Variants in ADAMTS17 observed in about 807,000 individuals in gnomAD.
ADAMTS17 encodes the protein ADAM metallopeptidase with thrombospondin type 1 motif 17.
A neutral mutation model predicts 141.5 loss-of-function variants in ADAMTS17; 113 were observed. The ratio of observed to expected loss-of-function variants is 0.80; its 90% CI spans 0.69 to 0.93. The LOEUF is 0.93. ADAMTS17 is among the 40% of genes least tolerant of loss of function. The pLI, the probability that ADAMTS17 is intolerant of heterozygous loss-of-function variation, is 0.00. For missense variants in ADAMTS17, 1,659 were observed against 1,517.9 expected, an observed-to-expected ratio of 1.09 and a Z score of -1.54; for synonymous variants, 768 against 630.6, an observed-to-expected ratio of 1.22 and a Z score of -3.27.
At chr15:100,165,709 G>C (rs74037524) in intron 8 of ADAMTS17, among the ~76,000 whole-genome samples, 3,189 of 152,266 alleles carry the variant, frequency 0.021, 131 homozygotes, top group East Asian at 0.17. Context: ...GTTAGAAATT[G>C]TGAAGATGTT....
intron 7 of ADAMTS17, among the ~76,000 whole-genome samples, chr15:100,212,131 T>C (rs1379753755): frequency 1.3e-5 from 2 of 152,180 alleles, no homozygotes; most frequent in African/African-American, 2.4e-5. Flanking sequence ...GAAGGGATAC[T>C]ATTATCATCC....
chr15:100,072,534 G>A (rs1171556106), intron 15 of ADAMTS17, among the ~76,000 whole-genome samples: 2 of 152,012 alleles, frequency 1.3e-5, no homozygotes, highest in South Asian at 4.2e-4. Flanking sequence ...AACCAAAACA[G>A]CATGGTACTG....
At position 100,187,070 on chromosome 15, in the gene ADAMTS17, G is replaced by T. The variant is rs115270769; in HGVS notation, c.1181+12248C>A. Reference sequence around the variant, plus strand: ...ACCGAGAGAGCCAGACTCATGTGAAGCAACTATTGACCTCTCCTCACCTCC... The same window carrying T: ...ACCGAGAGAGCCAGACTCATGTGAATCAACTATTGACCTCTCCTCACCTCC... On this transcript the variant is annotated intron_variant, in intron 8 of 21. Transcript: ENST00000268070. Among the ~76,000 whole-genome samples the T allele has an allele frequency of 5.1e-3, 783 of 152,206 alleles. 6 individuals are homozygous for T. Among genetic ancestry groups the T allele is most frequent in the African/African-American group, 0.018 (739 of 41,526 alleles).
rs954724296 is a variant in ADAMTS17, at chr15:100,341,958, G to T, written c.-59C>A. ...GCGGCGAAGCAGGAGCGCGCTAGGC[G>T]GCGGCGCCAGCCGGAGTGAAGCCCT... On this transcript the variant is annotated 5_prime_UTR_variant, in exon 1 of 22. Transcript: ENST00000268070. 5.2e-6 allele frequency: 8 copies of T among 1,540,458 alleles called. No individual in the cohort carries two copies. Among genetic ancestry groups the T allele is most frequent in the East Asian group, 4.9e-5 (2 of 40,806 alleles).
chr15:100,119,817 C>T (rs1165643673), intron 12 of ADAMTS17, among the ~76,000 whole-genome samples: 5 of 152,220 alleles, frequency 3.3e-5, no homozygotes, highest in African/African-American at 1.2e-4. Flanking sequence ...TCACAGGCCC[C>T]GTAATCCCCA....
At chr15:100,050,753 G>C (rs2032076351) in intron 17 of ADAMTS17, among the ~76,000 whole-genome samples, 1 of 152,194 alleles carries the variant, frequency 6.6e-6, no homozygotes, top group Non-Finnish European at 1.5e-5. Context: ...TGGCCTACCA[G>C]AGTCCAGGTC....
intron 12 of ADAMTS17, among the ~76,000 whole-genome samples, chr15:100,123,203 A>G (rs1316777588): frequency 6.6e-6 from 1 of 152,178 alleles, no homozygotes; most frequent in Admixed American, 6.5e-5. Context: ...AAGCAACCGG[A>G]GAGACCACCC....
intron 14 of ADAMTS17, among the ~76,000 whole-genome samples, chr15:100,097,164 TTTTC>T (rs2035812073): frequency 6.6e-6 from 1 of 152,216 alleles, no homozygotes; most frequent in South Asian, 2.1e-4. Flanking sequence ...TGGACTCTTT[TTTTC>T]TTTTTTAAAA....
intron 16 of ADAMTS17, among the ~76,000 whole-genome samples, chr15:100,052,875 T>A (rs2032256586): frequency 6.6e-6 from 1 of 152,166 alleles, no homozygotes; most frequent in African/African-American, 2.4e-5. Context: ...TACCTTTGTC[T>A]CCCCAGAAAT....
intron 3 of ADAMTS17, among the ~76,000 whole-genome samples, chr15:100,313,762 A>T (rs1319113084): frequency 2.0e-5 from 3 of 151,486 alleles, no homozygotes; most frequent in Non-Finnish European, 4.4e-5. Context: ...AACCACCCCA[A>T]ACGTCACCAT....
At chr15:100,095,886 C>T (rs1396990435) in intron 15 of ADAMTS17, among the ~76,000 whole-genome samples, 1 of 152,236 alleles carries the variant, frequency 6.6e-6, no homozygotes, top group Admixed American at 6.5e-5. Flanking sequence ...GGAGTCACAG[C>T]TGGCAGTGGC....
At chr15:99,982,521 TTC>T (rs2060501998) in intron 20 of ADAMTS17, among the ~76,000 whole-genome samples, 1 of 152,192 alleles carries the variant, frequency 6.6e-6, no homozygotes, top group Admixed American at 6.5e-5. Flanking sequence ...GGTGAATTCC[TTC>T]TCTGTCGGCC....
chr15:100,261,647 T>C lies in ADAMTS17; in HGVS notation c.874-11A>G. On this transcript the variant is annotated splice_polypyrimidine_tract_variant and intron_variant, in intron 5 of 21. Coordinates refer to ENST00000268070, the MANE Select transcript of ADAMTS17 (RefSeq NM_139057.4). ...AATGGACAACTTAGCCTAAAAAAAG[T>C]CAGAGGACAGTTAGAGAAACAAACG... is the stretch of plus-strand genomic sequence containing the variant. 1 of 1,612,722 alleles carries C rather than the reference T, an allele frequency of 6.2e-7. No individual in the cohort carries two copies. Among genetic ancestry groups the C allele is most frequent in the Non-Finnish European group, 8.5e-7 (1 of 1,179,390 alleles).
At chr15:99,974,851 C>T (rs1443056215) in intron 21 of ADAMTS17, among the ~76,000 whole-genome samples, 2 of 152,188 alleles carry the variant, frequency 1.3e-5, no homozygotes, top group Non-Finnish European at 2.9e-5. Context: ...CTAAGTGGCA[C>T]TTACTATTTT....
intron 3 of ADAMTS17, among the ~76,000 whole-genome samples, chr15:100,323,063 G>T (rs1403616551): frequency 5.0e-5 from 7 of 139,392 alleles, no homozygotes; most frequent in Non-Finnish European, 9.2e-5. Flanking sequence ...CTCCAGCCCG[G>T]GAGACAGCGA....
chr15:100,107,013 T>C (rs1479374694), intron 14 of ADAMTS17, among the ~76,000 whole-genome samples: 2 of 152,224 alleles, frequency 1.3e-5, no homozygotes, highest in Admixed American at 6.5e-5. Flanking sequence ...CACATTTATC[T>C]GTATTTGATA....
Position 100,048,950 on chromosome 15 carries a change from T to G in ADAMTS17, c.2498A>C (p.Lys833Thr), listed in dbSNP as rs139179629. 6.2e-7 allele frequency: 1 copy of G among 1,614,176 alleles called. No homozygotes were observed. The highest frequency in any genetic ancestry group is 8.5e-7 in the Non-Finnish European group (1 of 1,180,036). The stretch of plus-strand genomic sequence containing the variant: ...ACTGTCGTTCACCAGAGTTGTGGTC[T>G]TGTTGACAATCCGTGTACACGAGAC... ...TIVSCTRIVN[K>T]TTTLVNDSDC... The change falls in exon 18 of 22, where the codon AAG becomes ACG. Residue 833 changes from lysine to threonine, a missense_variant. Transcript: ENST00000268070.
intron 2 of ADAMTS17, among the ~76,000 whole-genome samples, chr15:100,338,285 T>C (rs142731492): frequency 3.6e-3 from 551 of 152,278 alleles, no homozygotes; most frequent in African/African-American, 0.012. Flanking sequence ...TCTATTCTAA[T>C]AATTCGTCTC....
At chr15:100,263,070 A>T (rs2043587064) in intron 4 of ADAMTS17, among the ~76,000 whole-genome samples, 2 of 152,338 alleles carry the variant, frequency 1.3e-5, no homozygotes, top group South Asian at 4.1e-4. Context: ...GGTTAAAAAA[A>T]ACCACGCATA....
Sources: gnomAD v4.1 joint callset for allele counts (sites outside exome capture counted in the v4.1 genomes callset) on GRCh38, gnomAD v4.1.1 for gene constraint, MANE v1.5 for transcripts, NCBI Gene and HGNC (gene_info 2026-07-23, HGNC 2026-07-21) for gene names.